Variants in URI1 observed in about 807,000 individuals in gnomAD.
URI1 encodes unconventional prefoldin RPB5 interactor 1.
A neutral mutation model predicts 60.2 loss-of-function variants in URI1; 39 were observed. That is an observed-to-expected ratio of 0.65 (90% CI 0.50 to 0.85). The LOEUF is 0.85. Ranked by LOEUF, URI1 falls within the 40% of genes least tolerant of loss-of-function variation. URI1 has a pLI of 0.00. For missense variants in URI1, 691 were observed against 665.9 expected, an observed-to-expected ratio of 1.04 and a Z score of -0.42; for synonymous variants, 251 against 236.8, an observed-to-expected ratio of 1.06 and a Z score of -0.55.
chr19:29,942,301 T>C lies in URI1; in HGVS notation c.-247T>C, dbSNP rs1328773095. 4.1e-6 allele frequency: 4 copies of C among 985,078 alleles called. No individual in the cohort carries two copies. The highest frequency in any genetic ancestry group is 4.8e-6 in the Non-Finnish European group (4 of 829,686). 61.0% of individuals were successfully genotyped at this position (985,078 alleles called of 1,614,324 possible). ...GGCCCGCACCGGAGAGGCGTCTCGGTACCTGGCAGGCGGCCTGCTACTCGG... is the reference window on the plus strand; with the variant it reads ...GGCCCGCACCGGAGAGGCGTCTCGGCACCTGGCAGGCGGCCTGCTACTCGG... On this transcript the variant is annotated 5_prime_UTR_variant, in exon 1 of 11. Transcript: ENST00000392271.
At chr19:30,002,780 A>G (rs1326789472) in intron 4 of URI1, among the ~76,000 whole-genome samples, 1 of 151,764 alleles carries the variant, frequency 6.6e-6, no homozygotes, top group Non-Finnish European at 1.5e-5. Flanking sequence ...TCTTTTTTCT[A>G]TAATAATTGG....
intron 1 of URI1, chr19:29,925,621 A>G (rs1049199628): frequency 6.6e-6 from 1 of 152,284 alleles, no homozygotes; most frequent in Non-Finnish European, 1.5e-5. Flanking sequence ...CCCTCAAGGA[A>G]GAGACACTCG....
upstream of URI1, chr19:29,942,089 G>A (rs1236583194): frequency 7.6e-5 from 27 of 353,642 alleles, no homozygotes; most frequent in Non-Finnish European, 9.9e-5. Context: ...GCTTCCAGAG[G>A]GATACAAACG....
chr19:29,947,009 G>C (rs564020396), intron 1 of URI1, among the ~76,000 whole-genome samples: 1 of 152,278 alleles, frequency 6.6e-6, no homozygotes, highest in African/African-American at 2.4e-5. Context: ...TGAGTGGAGG[G>C]ATGGTGTCTT....
chr19:29,944,469 A>G (rs1284426447), intron 1 of URI1, among the ~76,000 whole-genome samples: 1 of 152,000 alleles, frequency 6.6e-6, no homozygotes, highest in Non-Finnish European at 1.5e-5. Flanking sequence ...CATTTGGCAT[A>G]TTAAAAAGAT....
intron 1 of URI1, among the ~76,000 whole-genome samples, chr19:29,928,973 G>A (rs1454634413): frequency 6.6e-6 from 1 of 152,180 alleles, no homozygotes; most frequent in Non-Finnish European, 1.5e-5. Context: ...TAGAGAAAGT[G>A]AGGCTCCAAG....
chr19:29,946,173 A>T (rs2055100830), intron 1 of URI1, among the ~76,000 whole-genome samples: 1 of 152,218 alleles, frequency 6.6e-6, no homozygotes. Context: ...TGTTTTTACT[A>T]ACAGCAGTAA....
intron 1 of URI1, among the ~76,000 whole-genome samples, chr19:29,963,807 T>C (rs2055355936): frequency 3.3e-5 from 5 of 152,182 alleles, no homozygotes; most frequent in Admixed American, 1.3e-4. Context: ...AGGTTGTTGT[T>C]TTAGTAAGCC....
chr19:29,927,778 T>C (rs1436111742), intron 1 of URI1, among the ~76,000 whole-genome samples: 1 of 151,828 alleles, frequency 6.6e-6, no homozygotes, highest in African/African-American at 2.4e-5. Flanking sequence ...GGTTTTGTTA[T>C]GTTGGTCAGG....
intron 1 of URI1, among the ~76,000 whole-genome samples, chr19:29,961,664 C>CTT (rs1341999009): frequency 1.0e-4 from 11 of 109,262 alleles, no homozygotes; most frequent in African/African-American, 3.2e-4. Context: ...GCTTTTGATT[C>CTT]TTTTTTTTTT....
rs753567522 is a variant in URI1, at chr19:30,009,298, T to C, written c.980T>C (p.Val327Ala). The C allele has an allele frequency of 1.2e-6, 2 of 1,613,754 alleles. No homozygotes were observed. The highest frequency in any genetic ancestry group is 1.7e-6 in the Non-Finnish European group (2 of 1,179,908). Residue 327 changes from valine (V) to alanine (A), a missense_variant, in exon 8 of 11, where the codon GTT becomes GCT. Physicochemically the swap from Val to Ala is moderately conservative, Grantham distance 64. Coordinates refer to ENST00000392271, the MANE Select transcript of URI1 (RefSeq NM_003796.3). ...DGDNDHEALGVGDNSIPTIYF... is the reference protein window; with the variant it reads ...DGDNDHEALGAGDNSIPTIYF... Reference sequence around the variant, plus strand: ...GATAACGACCATGAGGCTTTAGGGGTTGGAGATAATTCTATACCAACAATA... The same window carrying C: ...GATAACGACCATGAGGCTTTAGGGGCTGGAGATAATTCTATACCAACAATA...
chr19:30,000,873 A>G (rs1054488856), intron 4 of URI1, among the ~76,000 whole-genome samples: 2 of 151,628 alleles, frequency 1.3e-5, no homozygotes, highest in African/African-American at 4.8e-5. Flanking sequence ...CTTGTTGCCT[A>G]TTTGTTTGTC....
intron 4 of URI1, among the ~76,000 whole-genome samples, chr19:30,002,372 G>A (rs1462824981): frequency 6.6e-6 from 1 of 151,738 alleles, no homozygotes; most frequent in African/African-American, 2.4e-5. Flanking sequence ...TTCTTTTTTG[G>A]TTTAAACATG....
intron 1 of URI1, among the ~76,000 whole-genome samples, chr19:29,955,598 C>G (rs1241589054): frequency 6.6e-6 from 1 of 151,966 alleles, no homozygotes. Flanking sequence ...ACTAGGAATT[C>G]CTTGAATTGG....
intron 4 of URI1, among the ~76,000 whole-genome samples, chr19:29,988,260 A>T (rs2055698213): frequency 6.6e-6 from 1 of 152,060 alleles, no homozygotes; most frequent in Non-Finnish European, 1.5e-5. Flanking sequence ...GTTGTACTTC[A>T]CATTTATTAA....
chr19:29,971,072 A>C, intron 1 of URI1, 121 bp from the exon 2 acceptor site: 2 of 918,358 alleles, frequency 2.2e-6, no homozygotes, highest in South Asian at 3.0e-5. Context: ...GACAAATAAA[A>C]ATGTATACTG....
intron 1 of URI1, among the ~76,000 whole-genome samples, chr19:29,929,862 C>T (rs1380520098): frequency 6.6e-6 from 1 of 151,736 alleles, no homozygotes; most frequent in Admixed American, 6.6e-5. Flanking sequence ...GATATTAAAC[C>T]CTTATATATA....
At chr19:29,985,426 G>T in intron 3 of URI1, 125 bp downstream of exon 3, 2 of 692,990 alleles carry the variant, frequency 2.9e-6, no homozygotes, top group South Asian at 3.1e-5. Flanking sequence ...AGGAAGATTT[G>T]TTTTGTTTTA....
intron 1 of URI1, among the ~76,000 whole-genome samples, chr19:29,964,818 A>T (rs941765127): frequency 6.6e-6 from 1 of 150,608 alleles, no homozygotes; most frequent in Non-Finnish European, 1.5e-5. Flanking sequence ...AGATTGCTTT[A>T]ATTTGACTTT....
Sources: allele counts gnomAD v4.1 joint callset (sites outside exome capture counted in the v4.1 genomes callset), GRCh38; gene constraint gnomAD v4.1.1; transcripts MANE v1.5; gene names NCBI Gene and HGNC (gene_info 2026-07-23, HGNC 2026-07-21).